SCML4: variants seen among roughly 807,000 people sequenced by gnomAD.
The protein encoded by SCML4 is Scm polycomb group protein like 4.
In SCML4, 34 loss-of-function variants were observed where a neutral mutation model predicts 41.1. The observed-to-expected ratio is 0.83, with a 90% confidence interval of 0.63 to 1.10. SCML4 has a LOEUF of 1.10. SCML4 is among the 50% of genes least tolerant of loss of function. SCML4 has a pLI of 0.00. For synonymous variants in SCML4, 214 were observed against 220.9 expected, an observed-to-expected ratio of 0.97 and a Z score of 0.28; for missense variants, 522 against 534.1, an observed-to-expected ratio of 0.98 and a Z score of 0.22.
Position 107,764,213 on chromosome 6 carries a change from C to T in SCML4, c.156+7959G>A, listed in dbSNP as rs375491645. 1.2e-4 allele frequency among the ~76,000 whole-genome samples: 19 copies of T among 152,286 alleles called. No individual in the cohort carries two copies. The East Asian group carries it at 1.9e-3, about 15-fold the overall frequency. ...GAGTCAGCCTGTAACTGGGTCTACT[C>T]GTACATTTTTCCTTCTGCACTTGGG... is the stretch of plus-strand genomic sequence containing the variant. On this transcript the variant is annotated intron_variant, in intron 2 of 7. Coordinates refer to ENST00000369020, the MANE Select transcript of SCML4 (RefSeq NM_198081.5).
chr6:107,774,628 T>C (rs1324575546), intron 1 of SCML4, among the ~76,000 whole-genome samples: 1 of 152,184 alleles, frequency 6.6e-6, no homozygotes, highest in Non-Finnish European at 1.5e-5. Flanking sequence ...ATTATTTTTT[T>C]CCTAGTTTGG....
At chr6:107,743,586 T>A (rs1777785735) in intron 5 of SCML4, among the ~76,000 whole-genome samples, 1 of 152,190 alleles carries the variant, frequency 6.6e-6, no homozygotes, top group Non-Finnish European at 1.5e-5. Flanking sequence ...ACGTGCTGTA[T>A]CAGCAACTCC....
chr6:107,796,020 T>G (rs2114623399), intron 1 of SCML4, among the ~76,000 whole-genome samples: 1 of 152,352 alleles, frequency 6.6e-6, no homozygotes, highest in Middle Eastern at 3.4e-3. Flanking sequence ...TTCTTTTTAT[T>G]GCTGAATAGT....
chr6:107,721,947 A>C (rs75194716), intron 5 of SCML4, among the ~76,000 whole-genome samples: 2 of 151,478 alleles, frequency 1.3e-5, no homozygotes, highest in Admixed American at 1.3e-4. Context: ...CAACCTCATC[A>C]TCAGCGCCTC....
At chr6:107,817,999 A>G (rs1784678401) in intron 1 of SCML4, among the ~76,000 whole-genome samples, 1 of 152,196 alleles carries the variant, frequency 6.6e-6, no homozygotes, top group Admixed American at 6.5e-5. Context: ...AGTCTCTAGT[A>G]CTAATTATGT....
At chr6:107,723,363 A>G (rs1775626284) in intron 5 of SCML4, among the ~76,000 whole-genome samples, 1 of 152,238 alleles carries the variant, frequency 6.6e-6, no homozygotes. Context: ...ATTTTATGAT[A>G]AAGTATTGAA....
upstream of SCML4, among the ~76,000 whole-genome samples, chr6:107,825,709 G>T (rs1295476874): frequency 6.6e-6 from 1 of 152,034 alleles, no homozygotes; most frequent in Non-Finnish European, 1.5e-5. Flanking sequence ...GGGAGGCCAA[G>T]GCGGGTGGAT....
chr6:107,736,902 T>G (rs1029455345), intron 5 of SCML4, among the ~76,000 whole-genome samples: 5 of 152,206 alleles, frequency 3.3e-5, no homozygotes, highest in Non-Finnish European at 7.3e-5. Flanking sequence ...TTCCACCCCC[T>G]GCCATCTGTA....
chr6:107,839,054 C>G, the SCML4 span, among the ~76,000 whole-genome samples: 1 of 152,098 alleles, frequency 6.6e-6, no homozygotes, highest in Non-Finnish European at 1.5e-5. Flanking sequence ...AATCTCAGTA[C>G]TTTGGGAGGC....
chr6:107,754,412 C>T (rs114802944), intron 2 of SCML4, among the ~76,000 whole-genome samples: 3,221 of 152,260 alleles, frequency 0.021, 103 homozygotes, highest in African/African-American at 0.073. Context: ...ATGAGGGTGG[C>T]GGCTGCCATG....
the SCML4 span, among the ~76,000 whole-genome samples, chr6:107,844,638 A>G: frequency 6.6e-6 from 1 of 152,070 alleles, no homozygotes; most frequent in African/African-American, 2.4e-5. Flanking sequence ...GTTCGAGGTC[A>G]CAGTGAGCCT....
Position 107,746,788 on chromosome 6 carries a change from C to G in SCML4, c.388G>C (p.Val130Leu). Residue 130 changes from valine to leucine, a missense_variant, in exon 4 of 8, where the codon GTG becomes CTG. Coordinates refer to ENST00000369020, the MANE Select transcript of SCML4 (RefSeq NM_198081.5). ...EHFGPERPSAVLQQAVQACID... is the reference protein window; with the variant it reads ...EHFGPERPSALLQQAVQACID... Reference sequence around the variant, plus strand: ...CAGGCTTGGACGGCCTGCTGCAGCACCGCCGATGGCCGCTCGGGCCCAAAA... The same window carrying G: ...CAGGCTTGGACGGCCTGCTGCAGCAGCGCCGATGGCCGCTCGGGCCCAAAA... The G allele has an allele frequency of 6.2e-7, 1 of 1,614,110 alleles. No individual in the cohort carries two copies. Among genetic ancestry groups the G allele is most frequent in the Non-Finnish European group, 8.5e-7 (1 of 1,180,002 alleles).
intron 6 of SCML4, among the ~76,000 whole-genome samples, chr6:107,708,767 G>A (rs997701802): frequency 6.6e-6 from 1 of 152,186 alleles, no homozygotes; most frequent in African/African-American, 2.4e-5. Context: ...GGAAATGGTT[G>A]CATAGGGCAT....
At chr6:107,737,219 A>C (rs1361036599) in intron 5 of SCML4, among the ~76,000 whole-genome samples, 4 of 152,222 alleles carry the variant, frequency 2.6e-5, no homozygotes, top group Non-Finnish European at 5.9e-5. Context: ...ATCAAATGCC[A>C]TTGTGGACGT....
At chr6:107,825,568 A>C (rs1785217233), upstream of SCML4, among the ~76,000 whole-genome samples, 2 of 152,222 alleles carry the variant, frequency 1.3e-5, no homozygotes, top group South Asian at 4.1e-4. Context: ...GTATGGGAAA[A>C]GGCAGGTTTG....
At chr6:107,731,501 C>T (rs1006402053) in intron 5 of SCML4, among the ~76,000 whole-genome samples, 2 of 152,334 alleles carry the variant, frequency 1.3e-5, no homozygotes, top group South Asian at 2.1e-4. Flanking sequence ...CCCCACTTCC[C>T]GCATCAGTCT....
At position 107,705,218 on chromosome 6, in the gene SCML4, C is replaced by T. The variant is rs367561951; in HGVS notation, c.1227G>A (p.Leu409=). 2 of 1,551,666 alleles carry T rather than the reference C, an allele frequency of 1.3e-6. No homozygotes were observed. Among genetic ancestry groups the T allele is most frequent in the African/African-American group, 2.7e-5 (2 of 73,146 alleles). The change falls in exon 8 of 8, where the codon CTG becomes CTA. Residue 409 remains leucine, a synonymous_variant. Coordinates refer to ENST00000369020, the MANE Select transcript of SCML4 (RefSeq NM_198081.5). ...AAAAAAGTCAGAACTTGGCTTGCTT[C>T]AGTTTGTCAATGTGGTAGCAGAGTT... is the stretch of plus-strand genomic sequence containing the variant. ...ALKLCYHIDK[L]KQAKF is the part of the protein sequence containing the mutation.
rs1778100784 is a variant in SCML4 at position 107,746,445 on chromosome 6, G to A, written c.487+244C>T. 4 of 442,404 alleles carry A rather than the reference G, an allele frequency of 9.0e-6. No homozygotes were observed. The Admixed American group carries it at 1.7e-4, about 19-fold the overall frequency. 27.4% of individuals were successfully genotyped at this position (442,404 alleles called of 1,614,324 possible). ...GCAAAAACCGGTGAGTTGGAAGTGG[G>A]AAGTGGGAGAAGGAGAAGAGTCAAG... On this transcript the variant is annotated intron_variant, in intron 4 of 7. Transcript: ENST00000369020.
intron 5 of SCML4, among the ~76,000 whole-genome samples, chr6:107,740,683 C>A (rs1228874435): frequency 2.0e-5 from 3 of 152,194 alleles, no homozygotes; most frequent in African/African-American, 4.8e-5. Flanking sequence ...CCCCCAGAGG[C>A]CTTGGACTGT....
Sources: gnomAD v4.1 joint callset for allele counts (sites outside exome capture counted in the v4.1 genomes callset) on GRCh38, gnomAD v4.1.1 for gene constraint, MANE v1.5 for transcripts, NCBI Gene and HGNC (gene_info 2026-07-23, HGNC 2026-07-21) for gene names.